TUSC2: variants seen among roughly 807,000 people sequenced by gnomAD.
The protein encoded by TUSC2 is tumor suppressor 2, mitochondrial calcium regulator, also known as tumor suppressor candidate 2.
TUSC2 carries 7 observed loss-of-function variants against 11.5 expected under a neutral mutation model. The ratio of observed to expected loss-of-function variants is 0.61; its 90% CI spans 0.35 to 1.14. TUSC2 has a LOEUF of 1.14. Among genes scored for constraint, TUSC2 ranks in the 50% most tolerant of loss-of-function variants. The probability of loss-of-function intolerance (pLI) is 0.03; values close to 1 mark genes in which losing one functional copy is unlikely to be tolerated. For synonymous variants in TUSC2, 61 were observed against 64.1 expected (o/e 0.95, Z 0.23); for missense variants, 132 against 155.0 (o/e 0.85, Z 0.79).
chr3:50,326,898 G>GT, intron 1 of TUSC2: 1 of 325,914 alleles, frequency 3.1e-6, no homozygotes, highest in South Asian at 2.4e-5. Context: ...GATTACAGGC[G>GT]TGAGCCACGG....
intron 1 of TUSC2, 35 bp downstream of exon 1, chr3:50,327,919 T>A: frequency 7.1e-7 from 1 of 1,409,532 alleles, no homozygotes; most frequent in Non-Finnish European, 9.3e-7. Flanking sequence ...GCCGCCCGCC[T>A]GTTCCCCCCG....
In TUSC2 at chr3:50,328,080, T is replaced by C. The variant is rs1050370258; in HGVS notation, c.20A>G (p.Lys7Arg). The C allele has an allele frequency of 1.4e-6, 2 of 1,425,838 alleles. No homozygotes were observed. Among genetic ancestry groups the C allele is most frequent in the Non-Finnish European group, 9.2e-7 (1 of 1,090,896 alleles). 88.3% of individuals were successfully genotyped at this position (1,425,838 alleles called of 1,614,324 possible). ...GGCGAAGGGCCACAGGCCCCGAGCT[T>C]TGGACCCGCTGGCGCCCATGTCAGG... MGASGS[K>R]ARGLWPFASA... Residue 7 changes from lysine (K) to arginine (R), a missense_variant, in exon 1 of 3, where the codon AAA becomes AGA. Lys to Arg is a conservative substitution (Grantham distance 26). This residue lies in a region of TUSC2 where 17 missense variants were observed against 33.1 expected (regional missense o/e 0.51). Coordinates refer to ENST00000232496, the MANE Select transcript of TUSC2 (RefSeq NM_007275.3).
At position 50,328,055 on chromosome 3, in the gene TUSC2, G is replaced by A. The variant is rs782056820; in HGVS notation, c.45C>T (p.Ala15=). Residue 15 remains alanine, a synonymous_variant, in exon 1 of 3, where the codon GCC becomes GCT. Coordinates refer to ENST00000232496, the MANE Select transcript of TUSC2 (RefSeq NM_007275.3). ...CTGAGCCGCCGCCTCCGGCCGCCGA[G>A]GCGAAGGGCCACAGGCCCCGAGCTT... The part of the protein sequence containing the change: ...GSKARGLWPF[A]SAAGGGGSEA... The A allele has an allele frequency of 6.7e-6, 10 of 1,494,098 alleles. No individual in the cohort carries two copies. In the African/African-American group the frequency reaches 8.8e-5, roughly 13 times the overall value. The allele number at this position is 1,494,098 out of a possible 1,614,324, so 92.6% of individuals were successfully genotyped here.
chr3:50,327,806 T>A, intron 1 of TUSC2, 148 bp downstream of exon 1: 1 of 1,228,822 alleles, frequency 8.1e-7, no homozygotes, highest in Non-Finnish European at 1.0e-6. Flanking sequence ...CTGCCCGGCT[T>A]TCTCCACCCC....
In TUSC2 at chr3:50,326,449, G is replaced by C; in HGVS notation, c.175C>G (p.Leu59Val). ...GSMFYDEDGD[L>V]AHEFYEETIV... ...GTCTCCTCATAGAACTCGTGAGCCA[G>C]ATCCCCATCCTCATCATAGAACATA... is the stretch of plus-strand genomic sequence containing the variant. Residue 59 changes from leucine (L) to valine (V), a missense_variant, in exon 2 of 3, where the codon CTG (leucine) becomes GTG (valine). By Grantham distance (32) the Leu-to-Val change is conservative. Transcript: ENST00000232496. 1 of 1,614,010 alleles carries C rather than the reference G, an allele frequency of 6.2e-7. No homozygotes were observed.
In TUSC2 at chr3:50,328,211, C is replaced by G. The variant is rs1484581811; in HGVS notation, c.-112G>C. Reference sequence around the variant, plus strand: ...CGCAGGTGCCGCCGCCGCCGCCTTCCGCAGGCTCGGCTGTCTCCACGGAAA... The same window carrying G: ...CGCAGGTGCCGCCGCCGCCGCCTTCGGCAGGCTCGGCTGTCTCCACGGAAA... On this transcript the variant is annotated 5_prime_UTR_variant, in exon 1 of 3. Coordinates refer to ENST00000232496, the MANE Select transcript of TUSC2 (RefSeq NM_007275.3). 2 of 1,238,130 alleles carry G rather than the reference C, an allele frequency of 1.6e-6. No individual in the cohort carries two copies. Among genetic ancestry groups the G allele is most frequent in the Admixed American group, 8.2e-5 (2 of 24,314 alleles). The allele number at this position is 1,238,130 out of a possible 1,614,324, so 76.7% of individuals were successfully genotyped here. A position where few individuals can be genotyped will look rare whatever the true frequency, so the allele number is the denominator to read the frequency against.
At chr3:50,326,293 A>C (rs781977150) in intron 2 of TUSC2, 64 bp downstream of exon 2, 172 of 1,612,712 alleles carry the variant, frequency 1.1e-4, no homozygotes, top group Non-Finnish European at 1.3e-4. Flanking sequence ...ATGACAACAG[A>C]TCCCATCTGG....
chr3:50,328,006 A>G lies in TUSC2; in HGVS notation c.94T>C (p.Leu32=). 2 of 1,535,266 alleles carry G rather than the reference A, an allele frequency of 1.3e-6. No individual in the cohort carries two copies. Among genetic ancestry groups the G allele is most frequent in the South Asian group, 1.2e-5 (1 of 82,484 alleles). Residue 32 remains leucine, a synonymous_variant, in exon 1 of 3, where the codon TTG becomes CTG. Coordinates refer to ENST00000232496, the MANE Select transcript of TUSC2 (RefSeq NM_007275.3). ...ACAGCTCGGCCCCGAGGCCGCACCA[A>G]AGCTTGCTCAGCTCCTGCTGCCTCT... ...GSEAAGAEQA[L]VRPRGRAVPP... is the part of the protein sequence containing the mutation.
At chr3:50,327,556 T>G (rs1164290823) in intron 1 of TUSC2, among the ~76,000 whole-genome samples, 2 of 152,110 alleles carry the variant, frequency 1.3e-5, no homozygotes, top group Non-Finnish European at 2.9e-5. Flanking sequence ...GCCCCACTAC[T>G]GTCAGGAAAA....
rs145386761 is a variant in TUSC2, at chr3:50,327,004, G to C, written c.147-527C>G. 28 of 357,658 alleles carry C rather than the reference G, an allele frequency of 7.8e-5. 1 individual carries two copies. The East Asian group carries it at 2.0e-3, about 26-fold the overall frequency. 22.2% of individuals were successfully genotyped at this position (357,658 alleles called of 1,614,324 possible). A position where few individuals can be genotyped will look rare whatever the true frequency, so the allele number is the denominator to read the frequency against. ...ATGGGTGGGCAGTGCTACTATGTCA[G>C]ACCCCCAAGAAGAGAGCCCACACCA... is the stretch of plus-strand genomic sequence containing the variant. On this transcript the variant is annotated intron_variant, in intron 1 of 2. Coordinates refer to ENST00000232496, the MANE Select transcript of TUSC2 (RefSeq NM_007275.3).
chr3:50,328,005 A>C lies in TUSC2; in HGVS notation c.95T>G (p.Leu32Trp). Residue 32 changes from leucine (L) to tryptophan (W), a missense_variant, in exon 1 of 3, where the codon TTG (leucine) becomes TGG (tryptophan). Physicochemically the swap from Leu to Trp is moderately conservative, Grantham distance 61. Around this residue, in one of 3 missense-constraint regions of TUSC2, gnomAD observed 50 missense variants for 27.9 expected, o/e 1.79. Coordinates refer to ENST00000232496, the MANE Select transcript of TUSC2 (RefSeq NM_007275.3). ...CACAGCTCGGCCCCGAGGCCGCACCAAAGCTTGCTCAGCTCCTGCTGCCTC... is the reference window on the plus strand; with the variant it reads ...CACAGCTCGGCCCCGAGGCCGCACCCAAGCTTGCTCAGCTCCTGCTGCCTC... ...GSEAAGAEQA[L>W]VRPRGRAVPP... 1 of 1,538,298 alleles carries C rather than the reference A, an allele frequency of 6.5e-7. No individual in the cohort carries two copies. Among genetic ancestry groups the C allele is most frequent in the South Asian group, 1.2e-5 (1 of 82,716 alleles).
At chr3:50,326,796 T>C (rs587759183) in intron 1 of TUSC2, among the ~76,000 whole-genome samples, 16 of 152,238 alleles carry the variant, frequency 1.1e-4, no homozygotes, top group Non-Finnish European at 1.5e-5. Context: ...TTTTTGTATT[T>C]TAGTAGAGAC....
intron 1 of TUSC2, among the ~76,000 whole-genome samples, chr3:50,327,574 A>G (rs587753261): frequency 5.9e-5 from 9 of 152,286 alleles, no homozygotes; most frequent in African/African-American, 2.2e-4. Flanking sequence ...AAAGCAGCCT[A>G]AACAGAGGGT....
rs1553717305 is a variant in TUSC2, at chr3:50,325,953, C to T, written c.*168G>A. The T allele has an allele frequency of 1.2e-6, 1 of 817,880 alleles. No homozygotes were observed. The highest frequency in any genetic ancestry group is 1.7e-5 in the African/African-American group (1 of 57,762). 50.7% of individuals were successfully genotyped at this position (817,880 alleles called of 1,614,324 possible). A position where few individuals can be genotyped will look rare whatever the true frequency, so the allele number is the denominator to read the frequency against. Reference sequence around the variant, plus strand: ...CTCTTGTCCACACACAAACCAACACCCAACCAATACTGTGGGACCGACCCG... The same window carrying T: ...CTCTTGTCCACACACAAACCAACACTCAACCAATACTGTGGGACCGACCCG... On this transcript the variant is annotated 3_prime_UTR_variant, in exon 3 of 3. Transcript: ENST00000232496. The surrounding 1 kb of genome is among the most constrained non-coding windows in gnomAD (Gnocchi z 5.1).
intron 1 of TUSC2, chr3:50,327,078 G>T (rs374112384): frequency 3.0e-4 from 136 of 447,964 alleles, no homozygotes; most frequent in African/African-American, 2.5e-3. Context: ...TCCTTGATTT[G>T]TTCAGCAAGG....
intron 1 of TUSC2, chr3:50,327,346 G>A (rs1702802734): frequency 1.9e-5 from 8 of 419,306 alleles, no homozygotes; most frequent in Admixed American, 1.8e-4. Context: ...CACAGGGAGC[G>A]CCCATCTCCA....
chr3:50,326,190 C>T lies in TUSC2; in HGVS notation c.268-4G>A. ...GGTGATCCAGCTTCACGATGCCCTG[C>T]CATGGAAACAGAGGCTAGTAAGGGT... On this transcript the variant is annotated splice_region_variant and splice_polypyrimidine_tract_variant and intron_variant, in intron 2 of 2. Transcript: ENST00000232496. 5.0e-6 allele frequency: 8 copies of T among 1,603,652 alleles called. No homozygotes were observed. Among genetic ancestry groups the T allele is most frequent in the Non-Finnish European group, 6.8e-6 (8 of 1,175,124 alleles).
Position 50,326,174 on chromosome 3 carries a change from G to C in TUSC2, c.280C>G (p.Leu94Val). ...KNLIPQGIVK[L>V]DHPRIHVDFP... ...TCCACGTGGATGCGGGGGTGATCCA[G>C]CTTCACGATGCCCTGCCATGGAAAC... Residue 94 changes from leucine (L) to valine (V), a missense_variant, in exon 3 of 3, where the codon CTG becomes GTG. By Grantham distance (32) the Leu-to-Val change is conservative (BLOSUM62 1). Around this residue, in one of 3 missense-constraint regions of TUSC2, gnomAD observed 65 missense variants for 94.0 expected, o/e 0.69. Transcript: ENST00000232496. The C allele has an allele frequency of 2.5e-6, 4 of 1,600,836 alleles. No homozygotes were observed. Among genetic ancestry groups the C allele is most frequent in the Non-Finnish European group, 3.4e-6 (4 of 1,173,814 alleles).
Position 50,327,255 on chromosome 3 carries a change from C to T in TUSC2, c.146+699G>A, listed in dbSNP as rs782411176. 2.6e-5 allele frequency: 12 copies of T among 456,530 alleles called. 1 individual carries two copies. In the Middle Eastern group the frequency reaches 3.0e-3, roughly 115 times the overall value. The allele number at this position is 456,530 out of a possible 1,614,324, so 28.3% of individuals were successfully genotyped here. On this transcript the variant is annotated intron_variant, in intron 1 of 2. Transcript: ENST00000232496. The stretch of plus-strand genomic sequence containing the variant: ...AAGAAGCACAAAGGAATGAAGGCTG[C>T]GTCTCCCCTGACCCCACACCCCAGG...
Sources: allele counts gnomAD v4.1 joint callset (sites outside exome capture counted in the v4.1 genomes callset), GRCh38; gene constraint gnomAD v4.1.1; regional missense constraint gnomAD v4.1.1; non-coding constraint Gnocchi (gnomAD v3.1); transcripts MANE v1.5; gene names NCBI Gene and HGNC (gene_info 2026-07-23, HGNC 2026-07-21).